DSCAML1: variants seen among roughly 807,000 people sequenced by gnomAD.
The protein encoded by DSCAML1 is cell adhesion molecule DSCAML1.
A neutral mutation model predicts 200.5 loss-of-function variants in DSCAML1; 38 were observed. The observed-to-expected ratio is 0.19, with a 90% CI of 0.15 to 0.25. DSCAML1 has a LOEUF of 0.25. DSCAML1 is among the 10% of genes least tolerant of loss of function. The probability of loss-of-function intolerance (pLI) is 1.00; values close to 1 mark genes in which losing one functional copy is unlikely to be tolerated. For missense variants in DSCAML1, 2,223 were observed against 2,858.8 expected (o/e 0.78, Z 5.07); for synonymous variants, 1,215 against 1,165.0 (o/e 1.04, Z -0.87).
chr11:117,796,243 C>T (rs2055572257), intron 1 of DSCAML1, among the ~76,000 whole-genome samples: 1 of 152,228 alleles, frequency 6.6e-6, no homozygotes, highest in African/African-American at 2.4e-5. Flanking sequence ...CCCTAGCAAC[C>T]CCCTCTCTCC....
chr11:117,524,437 G>A (rs1329559500), intron 5 of DSCAML1, among the ~76,000 whole-genome samples: 1 of 152,176 alleles, frequency 6.6e-6, no homozygotes, highest in African/African-American at 2.4e-5. Flanking sequence ...CTACAAGCCC[G>A]GAAGCCCTGC....
rs1565293587 is a variant in DSCAML1 at position 117,803,127 on chromosome 11, C to T, written c.-250+14263G>A. Among the ~76,000 whole-genome samples, 8 of 152,076 alleles carry T rather than the reference C, an allele frequency of 5.3e-5. No individual in the cohort carries two copies. The South Asian group carries it at 1.7e-3, about 32-fold the overall frequency. On this transcript the variant is annotated intron_variant, in intron 1 of 2. Transcript: ENST00000525836. ...ATTTATATGGTTCACAGGCCATGCA[C>T]GTACTTCCAGGATAGGGAATGGCTT...
Position 117,687,755 on chromosome 11 carries a change from G to A in DSCAML1, c.511+89036C>T, listed in dbSNP as rs548019179. Among the ~76,000 whole-genome samples the A allele has an allele frequency of 2.0e-5, 3 of 152,214 alleles. No homozygotes were observed. In the South Asian group the frequency reaches 6.2e-4, roughly 32 times the overall value. On this transcript the variant is annotated intron_variant, in intron 3 of 32. Coordinates refer to ENST00000651296, the MANE Select transcript of DSCAML1 (RefSeq NM_020693.4). ...GAAGTGTAGTCTCTCTAGGCTTTAAGAGAAGACATCAAGATTCTGAATAAT... is the reference window on the plus strand; with the variant it reads ...GAAGTGTAGTCTCTCTAGGCTTTAAAAGAAGACATCAAGATTCTGAATAAT...
At position 117,435,715 on chromosome 11, in the gene DSCAML1, G is replaced by A. The variant is rs1355671339; in HGVS notation, c.4805C>T (p.Ala1602Val). 6.2e-7 allele frequency: 1 copy of A among 1,613,214 alleles called. No homozygotes were observed. Among genetic ancestry groups the A allele is most frequent in the African/African-American group, 1.3e-5 (1 of 74,940 alleles). ...LFTIGCPVILATLGVALLFIV... is the reference protein window; with the variant it reads ...LFTIGCPVILVTLGVALLFIV... ...GAAGAGCAGTGCCACCCCCAGTGTGGCCAGGATGACAGGGCAGCCGATGGT... is the reference window on the plus strand; with the variant it reads ...GAAGAGCAGTGCCACCCCCAGTGTGACCAGGATGACAGGGCAGCCGATGGT... Residue 1602 changes from alanine to valine, a missense_variant, in exon 27 of 33, where the codon GCC (alanine) becomes GTC (valine). By Grantham distance (64) the Ala-to-Val change is moderately conservative (BLOSUM62 0). This residue lies in a region of DSCAML1 where 614 missense variants were observed against 739.1 expected (regional missense o/e 0.83). Transcript: ENST00000651296.
intron 3 of DSCAML1, among the ~76,000 whole-genome samples, chr11:117,730,797 T>G (rs2054204869): frequency 6.6e-6 from 1 of 152,196 alleles, no homozygotes; most frequent in South Asian, 2.1e-4. Context: ...AAAGTGGAAA[T>G]ACACCTCATA....
chr11:117,576,755 C>T (rs1416907846), intron 3 of DSCAML1, among the ~76,000 whole-genome samples: 6 of 152,264 alleles, frequency 3.9e-5, no homozygotes, highest in African/African-American at 7.2e-5. Flanking sequence ...GTGTTGCTGC[C>T]GGAGCAATGT....
At chr11:117,658,235 G>C (rs1404630213) in intron 3 of DSCAML1, among the ~76,000 whole-genome samples, 1 of 152,092 alleles carries the variant, frequency 6.6e-6, no homozygotes, top group Admixed American at 6.6e-5. Context: ...AGAGTCTCTG[G>C]AGCTCATGCT....
At chr11:117,807,295 G>A (rs2055714843) in intron 1 of DSCAML1, among the ~76,000 whole-genome samples, 1 of 152,224 alleles carries the variant, frequency 6.6e-6, no homozygotes, top group Non-Finnish European at 1.5e-5. Context: ...CTGCCTGGTG[G>A]GGTTGTTGAC....
intron 1 of DSCAML1, among the ~76,000 whole-genome samples, chr11:117,806,825 G>C (rs2055710487): frequency 6.6e-6 from 1 of 152,188 alleles, no homozygotes; most frequent in Admixed American, 6.5e-5. Flanking sequence ...CAAAAGTGGG[G>C]AGAACAGTAT....
Position 117,552,880 on chromosome 11 carries a change from C to T in DSCAML1, c.512-20358G>A, listed in dbSNP as rs77318084. 3.9e-3 allele frequency among the ~76,000 whole-genome samples: 587 copies of T among 152,268 alleles called. 5 individuals carry two copies. The highest frequency in any genetic ancestry group is 0.013 in the African/African-American group (555 of 41,548). ...CCAGGGAATTCAACAGGCACAGACCCGAGTGTCTGCTTACTACAAGTGCGC... is the reference window on the plus strand; with the variant it reads ...CCAGGGAATTCAACAGGCACAGACCTGAGTGTCTGCTTACTACAAGTGCGC... On this transcript the variant is annotated intron_variant, in intron 3 of 32. Transcript: ENST00000651296.
At position 117,428,361 on chromosome 11, in the gene DSCAML1, G is replaced by C; in HGVS notation, c.6129C>G (p.Ala2043=). ...SGVGRSQKQG[A]GAYSKSYTLV ...GGGTGTAGGATTTGGAGTAGGCCCC[G>C]GCCCCCTGCTTCTGAGACCTCCCTA... The change falls in exon 33 of 33, where the codon GCC becomes GCG. Residue 2043 remains alanine, a synonymous_variant. Coordinates refer to ENST00000651296, the MANE Select transcript of DSCAML1 (RefSeq NM_020693.4). The C allele has an allele frequency of 1.3e-6, 2 of 1,584,016 alleles. No homozygotes were observed. The highest frequency in any genetic ancestry group is 1.7e-6 in the Non-Finnish European group (2 of 1,161,726).
intron 3 of DSCAML1, among the ~76,000 whole-genome samples, chr11:117,569,921 C>T (rs2050818874): frequency 6.6e-6 from 1 of 152,212 alleles, no homozygotes; most frequent in Admixed American, 6.5e-5. Context: ...AGAGCTGTTC[C>T]TGACTCTCTG....
chr11:117,721,104 G>A (rs1220163976), intron 3 of DSCAML1, among the ~76,000 whole-genome samples: 1 of 152,202 alleles, frequency 6.6e-6, no homozygotes, highest in Admixed American at 6.5e-5. Flanking sequence ...TACTTAACAA[G>A]TGGCAGATTC....
At chr11:117,670,272 G>A (rs569871053) in intron 3 of DSCAML1, among the ~76,000 whole-genome samples, 40 of 152,230 alleles carry the variant, frequency 2.6e-4, no homozygotes, top group African/African-American at 8.2e-4. Context: ...ACCAGTCTGC[G>A]CAGAAGACCT....
At chr11:117,666,209 A>AC (rs1324274931) in intron 3 of DSCAML1, among the ~76,000 whole-genome samples, 1 of 152,072 alleles carries the variant, frequency 6.6e-6, no homozygotes, top group Non-Finnish European at 1.5e-5. Context: ...CTACCAGTGG[A>AC]CCCTCGAGCC....
chr11:117,439,036 G>T (rs1189946932), intron 23 of DSCAML1, 53 bp from the exon 24 acceptor site: 14 of 1,515,536 alleles, frequency 9.2e-6, no homozygotes, highest in Non-Finnish European at 1.3e-5. Flanking sequence ...CTGTGATGGG[G>T]TGTGGGGAGT....
intron 15 of DSCAML1, among the ~76,000 whole-genome samples, chr11:117,471,284 G>A (rs1485360888): frequency 6.6e-6 from 1 of 151,718 alleles, no homozygotes; most frequent in African/African-American, 2.4e-5. Flanking sequence ...CGATTCTCCT[G>A]CCTCAGCCTC....
chr11:117,495,917 T>C (rs887438633), intron 11 of DSCAML1, among the ~76,000 whole-genome samples: 2 of 152,206 alleles, frequency 1.3e-5, no homozygotes, highest in Non-Finnish European at 2.9e-5. Flanking sequence ...ATGTCCAGAC[T>C]TCAGAACCAT....
rs755886878 is a variant in DSCAML1 at position 117,521,161 on chromosome 11, G to A, written c.1182C>T (p.Thr394=). Residue 394 remains threonine, a synonymous_variant, in exon 6 of 33, where the codon ACC becomes ACT. Transcript: ENST00000651296. ...YQCFATRKAQ[T]AQDFAIIALE... Reference sequence around the variant, plus strand: ...GTGCAATGATGGCAAAGTCCTGGGCGGTCTGGGCCTTGCGGGTAGCGAAGC... The same window carrying A: ...GTGCAATGATGGCAAAGTCCTGGGCAGTCTGGGCCTTGCGGGTAGCGAAGC... 20 of 1,614,022 alleles carry A rather than the reference G, an allele frequency of 1.2e-5. No homozygotes were observed. In the Admixed American group the frequency reaches 1.5e-4, roughly 12 times the overall value.
Sources: gnomAD v4.1 joint callset for allele counts (sites outside exome capture counted in the v4.1 genomes callset) on GRCh38, gnomAD v4.1.1 for gene constraint, gnomAD v4.1.1 regional missense constraint, MANE v1.5 for transcripts, NCBI Gene and HGNC (gene_info 2026-07-23, HGNC 2026-07-21) for gene names.